The following MB21D2 variants were observed in gnomAD, a reference collection of about 807,000 sequenced individuals.
MB21D2 encodes the protein nucleotidyltransferase MB21D2.
In MB21D2, 9 loss-of-function variants were observed where a neutral mutation model predicts 33.3. That is an observed-to-expected ratio of 0.27 (90% confidence interval 0.16 to 0.47). The LOEUF is 0.47. Ranked by LOEUF, MB21D2 falls within the 20% of genes least tolerant of loss-of-function variation. The pLI is 0.99. For missense variants in MB21D2, 540 were observed against 624.6 expected (o/e 0.86, Z 1.44); for synonymous variants, 241 against 236.3 (o/e 1.02, Z -0.18).
chr3:192,824,843 T>G (rs10937558), intron 1 of MB21D2, among the ~76,000 whole-genome samples: 92,643 of 152,052 alleles, frequency 0.61, 29,738 homozygotes, highest in African/African-American at 0.82. Flanking sequence ...TTATGAAATT[T>G]TTTTTCCTCT....
At chr3:192,800,241 C>T (rs1262987392) in intron 1 of MB21D2, among the ~76,000 whole-genome samples, 2 of 152,040 alleles carry the variant, frequency 1.3e-5, no homozygotes, top group African/African-American at 2.4e-5. Context: ...AATACTAACA[C>T]ACTGTTTGAC....
At chr3:192,900,027 G>C (rs1577201177) in intron 1 of MB21D2, among the ~76,000 whole-genome samples, 1 of 152,240 alleles carries the variant, frequency 6.6e-6, no homozygotes, top group East Asian at 1.9e-4. Flanking sequence ...GCTCACGCCT[G>C]TAATCCCAGC....
Position 192,818,993 on chromosome 3 carries a change from T to G in MB21D2, c.212-19343A>C, listed in dbSNP as rs995616231. Among the ~76,000 whole-genome samples the G allele has an allele frequency of 1.5e-4, 4 of 27,290 alleles. No individual in the cohort carries two copies. In the South Asian group the frequency reaches 3.6e-3, roughly 25 times the overall value. The allele number at this position is 27,290 out of a possible 152,430, so 17.9% of individuals were successfully genotyped here. The stretch of plus-strand genomic sequence containing the variant: ...GAATATCCGAGAGGCAGGAATTGAG[T>G]TTTTTTTTTGCTAGAATCTGAACTG... On this transcript the variant is annotated intron_variant, in intron 1 of 1. Coordinates refer to ENST00000392452, the MANE Select transcript of MB21D2 (RefSeq NM_178496.4).
chr3:192,909,803 G>A (rs1440746935), intron 1 of MB21D2, among the ~76,000 whole-genome samples: 1 of 151,660 alleles, frequency 6.6e-6, no homozygotes, highest in African/African-American at 2.4e-5. Flanking sequence ...ATGGTGGCAC[G>A]CACCTGTAAT....
intron 1 of MB21D2, among the ~76,000 whole-genome samples, chr3:192,916,335 G>C (rs1000038740): frequency 6.6e-6 from 1 of 152,068 alleles, no homozygotes; most frequent in Admixed American, 6.6e-5. Flanking sequence ...TGGGCAGTGA[G>C]GAAGAAGAAA....
intron 1 of MB21D2, among the ~76,000 whole-genome samples, chr3:192,900,284 C>G (rs76023709): frequency 1.1e-5 from 1 of 91,176 alleles, no homozygotes; most frequent in African/African-American, 4.4e-5. Context: ...GACTCTGTCT[C>G]AAAAAAAAAA....
At chr3:192,824,949 T>C (rs1712142841) in intron 1 of MB21D2, among the ~76,000 whole-genome samples, 1 of 152,182 alleles carries the variant, frequency 6.6e-6, no homozygotes, top group South Asian at 2.1e-4. Flanking sequence ...TTTACCTTCT[T>C]ATGTAAAAGA....
chr3:192,798,678 A>C lies in MB21D2; in HGVS notation c.1184T>G (p.Leu395Arg), dbSNP rs375543604. The C allele has an allele frequency of 1.9e-6, 3 of 1,613,276 alleles. No homozygotes were observed. The East Asian group carries it at 6.7e-5, about 36-fold the overall frequency. The change falls in exon 2 of 2, where the codon CTT (leucine) becomes CGT (arginine). Residue 395 changes from leucine to arginine, a missense_variant. Transcript: ENST00000392452. This position sits in a 1 kb window ranked among gnomAD's most constrained non-coding sequence, Gnocchi z 4.8. ...CACAGAGGACAGCTTCCGGGCGTGA[A>C]GCATGACTGTCTCCTCAGACAGATG... ...LEHLSEETVMLHARKLSSVRS... is the reference protein window; with the variant it reads ...LEHLSEETVMRHARKLSSVRS...
At chr3:192,833,555 C>T (rs1306323034) in intron 1 of MB21D2, among the ~76,000 whole-genome samples, 2 of 152,126 alleles carry the variant, frequency 1.3e-5, no homozygotes, top group Non-Finnish European at 2.9e-5. Flanking sequence ...TCACTAGGAC[C>T]CTGCTGTGAA....
At chr3:192,857,970 CA>C (rs1261080417) in intron 1 of MB21D2, among the ~76,000 whole-genome samples, 1 of 151,988 alleles carries the variant, frequency 6.6e-6, no homozygotes, top group Non-Finnish European at 1.5e-5. Flanking sequence ...ACTAAAATTA[CA>C]AAAATTAGCC....
intron 1 of MB21D2, among the ~76,000 whole-genome samples, chr3:192,823,219 A>G (rs1417539823): frequency 6.6e-6 from 1 of 152,230 alleles, no homozygotes; most frequent in Non-Finnish European, 1.5e-5. Context: ...CCTGCAAAGA[A>G]ATTGTTTAGG....
chr3:192,807,742 T>A (rs1297130664), intron 1 of MB21D2, among the ~76,000 whole-genome samples: 1 of 152,076 alleles, frequency 6.6e-6, no homozygotes. Flanking sequence ...TATGAGCGTC[T>A]CCTATGAGCC....
At chr3:192,821,130 T>G (rs1712043490) in intron 1 of MB21D2, among the ~76,000 whole-genome samples, 1 of 152,190 alleles carries the variant, frequency 6.6e-6, no homozygotes, top group African/African-American at 2.4e-5. Flanking sequence ...ATATTGCTAA[T>G]GTCACTATCC....
In MB21D2 at chr3:192,799,631, G is replaced by C. The variant is rs144558534; in HGVS notation, c.231C>G (p.Asp77Glu). ...ATTCATTAGCCACTGGAAGCTTTTG[G>C]TCCAGCTTTTGCACCATTCCTGGAA... ...FSMLGMVQKLDQKLPVANEYL... is the reference protein window; with the variant it reads ...FSMLGMVQKLEQKLPVANEYL... The change falls in exon 2 of 2, where the codon GAC (aspartate) becomes GAG (glutamate). Residue 77 changes from aspartate to glutamate, a missense_variant. Physicochemically the swap from Asp to Glu is conservative, Grantham distance 45. Transcript: ENST00000392452. The surrounding 1 kb of genome is among the most constrained non-coding windows in gnomAD (Gnocchi z 4.1). The C allele has an allele frequency of 6.2e-7, 1 of 1,613,586 alleles. No homozygotes were observed. Among genetic ancestry groups the C allele is most frequent in the Admixed American group, 1.7e-5 (1 of 59,962 alleles).
At chr3:192,904,273 T>TA (rs772273293) in intron 1 of MB21D2, among the ~76,000 whole-genome samples, 2 of 152,162 alleles carry the variant, frequency 1.3e-5, no homozygotes, top group African/African-American at 2.4e-5. Flanking sequence ...AAACTAGCTG[T>TA]ATGCTGTGGA....
At chr3:192,813,570 A>T (rs1711838470) in intron 1 of MB21D2, among the ~76,000 whole-genome samples, 1 of 152,124 alleles carries the variant, frequency 6.6e-6, no homozygotes. Context: ...GAATGGCCAC[A>T]ATCATTTTCC....
chr3:192,799,776 A>C lies in MB21D2; in HGVS notation c.212-126T>G. The C allele has an allele frequency of 3.4e-5, 35 of 1,016,010 alleles. No homozygotes were observed. The highest frequency in any genetic ancestry group is 5.8e-5 in the Admixed American group (2 of 34,714). The allele number at this position is 1,016,010 out of a possible 1,614,324, so 62.9% of individuals were successfully genotyped here. A position where few individuals can be genotyped will look rare whatever the true frequency, so the allele number is the denominator to read the frequency against. ...CATTATCAGTACTAAATCAAATCTCAGGCTGCTGCAGAGACCTGGCCAACA... is the reference window on the plus strand; with the variant it reads ...CATTATCAGTACTAAATCAAATCTCCGGCTGCTGCAGAGACCTGGCCAACA... On this transcript the variant is annotated intron_variant, in intron 1 of 1. Transcript: ENST00000392452. This position sits in a 1 kb window ranked among gnomAD's most constrained non-coding sequence, Gnocchi z 4.1.
At chr3:192,849,939 G>A (rs556375854) in intron 1 of MB21D2, among the ~76,000 whole-genome samples, 187 of 125,316 alleles carry the variant, frequency 1.5e-3, no homozygotes, top group Admixed American at 2.4e-3. Context: ...TTTTTTTTTC[G>A]AGACAGTCTC....
At chr3:192,823,126 A>T (rs893012515) in intron 1 of MB21D2, among the ~76,000 whole-genome samples, 9 of 152,224 alleles carry the variant, frequency 5.9e-5, no homozygotes, top group Non-Finnish European at 1.3e-4. Context: ...ACACATCTAA[A>T]TTATTTTCAC....
Sources: allele counts gnomAD v4.1 joint callset (sites outside exome capture counted in the v4.1 genomes callset), GRCh38; gene constraint gnomAD v4.1.1; non-coding constraint Gnocchi (gnomAD v3.1); transcripts MANE v1.5; gene names NCBI Gene and HGNC (gene_info 2026-07-23, HGNC 2026-07-21).